The following CAPRIN2 variants were observed in gnomAD, a reference collection of about 807,000 sequenced individuals.
CAPRIN2 encodes caprin family member 2.
A neutral mutation model predicts 130.4 loss-of-function variants in CAPRIN2; 66 were observed. The observed-to-expected ratio is 0.51, with a 90% confidence interval of 0.42 to 0.62. CAPRIN2 has a LOEUF of 0.62. Ranked by LOEUF, CAPRIN2 falls within the 20% of genes least tolerant of loss-of-function variation. The pLI, the probability that CAPRIN2 is intolerant of heterozygous loss-of-function variation, is 0.00. For synonymous variants in CAPRIN2, 471 were observed against 444.1 expected (o/e 1.06, Z -0.76); for missense variants, 1,185 against 1,246.6 (o/e 0.95, Z 0.74).
chr12:30,736,119 C>G (rs2064643009), intron 3 of CAPRIN2, among the ~76,000 whole-genome samples: 1 of 146,564 alleles, frequency 6.8e-6, no homozygotes, highest in Admixed American at 6.9e-5. Flanking sequence ...CCAGCCTGGG[C>G]AACAGAGTGA....
intron 6 of CAPRIN2, 100 bp from the exon 8 acceptor site, chr12:30,730,382 C>T (rs1430837287): frequency 2.4e-5 from 20 of 836,382 alleles, no homozygotes; most frequent in South Asian, 1.2e-4. Context: ...TCAGAAGACT[C>T]GTAACAGAAA....
intron 3 of CAPRIN2, among the ~76,000 whole-genome samples, chr12:30,736,678 A>G (rs891867060): frequency 6.6e-6 from 1 of 152,246 alleles, no homozygotes; most frequent in Admixed American, 6.5e-5. Flanking sequence ...TGAAGGTTGC[A>G]TGGGCAAGCA....
exon 4 of CAPRIN2, chr12:30,734,968 C>T: frequency 6.2e-7 from 1 of 1,605,886 alleles, no homozygotes; most frequent in Non-Finnish European, 8.5e-7. Context: ...ATTAGCTTAC[C>T]TCAGACTTTC....
intron 12 of CAPRIN2, chr12:30,719,200 G>T: frequency 1.9e-6 from 3 of 1,613,950 alleles, no homozygotes; most frequent in Non-Finnish European, 2.5e-6. Context: ...TAGTGAAGAC[G>T]GTTGCTTGCC....
intron 11 of CAPRIN2, among the ~76,000 whole-genome samples, chr12:30,722,929 A>C (rs2059834031): frequency 6.6e-6 from 1 of 152,050 alleles, no homozygotes; most frequent in Non-Finnish European, 1.5e-5. Context: ...ACAAAAATTA[A>C]TTTCTTTCTT....
intron 6 of CAPRIN2, among the ~76,000 whole-genome samples, chr12:30,730,921 C>T (rs2062471507): frequency 6.6e-6 from 1 of 152,070 alleles, no homozygotes; most frequent in African/African-American, 2.4e-5. Flanking sequence ...AGTATATTTT[C>T]TTTACTGACT....
exon 1 of CAPRIN2, chr12:30,754,224 T>C (rs1192670136): frequency 6.3e-6 from 1 of 157,614 alleles, no homozygotes; most frequent in Non-Finnish European, 1.4e-5. Context: ...CCCGCGTTTA[T>C]TCTCAGTTGT....
At chr12:30,734,014 T>A (rs1478511617) in intron 4 of CAPRIN2, among the ~76,000 whole-genome samples, 1 of 152,178 alleles carries the variant, frequency 6.6e-6, no homozygotes, top group Non-Finnish European at 1.5e-5. Context: ...TTCAGGTGTA[T>A]GCCCTACATA....
intron 10 of CAPRIN2, among the ~76,000 whole-genome samples, chr12:30,723,782 T>C (rs982389142): frequency 1.3e-5 from 2 of 152,228 alleles, no homozygotes; most frequent in African/African-American, 4.8e-5. Flanking sequence ...TTAATATCCA[T>C]CACTTTTATT....
chr12:30,716,461 T>C (rs370930043), intron 13 of CAPRIN2, 47 bp downstream of exon 15: 77 of 1,544,670 alleles, frequency 5.0e-5, no homozygotes, highest in African/African-American at 3.7e-4. Flanking sequence ...GTCCATTCAA[T>C]TGGCTGTCCC....
intron 16 of CAPRIN2, 140 bp downstream of exon 18, chr12:30,711,426 G>A (rs2054533324): frequency 3.0e-6 from 2 of 674,878 alleles, no homozygotes; most frequent in South Asian, 1.8e-5. Flanking sequence ...TAGTACTTTA[G>A]TACTACATTC....
intron 12 of CAPRIN2, chr12:30,720,538 T>C (rs2059092893): frequency 4.1e-6 from 1 of 243,982 alleles, no homozygotes. Context: ...AGTGGAAAAC[T>C]TGACTTAATG....
chr12:30,729,118 A>T, exon 8 of CAPRIN2: 1 of 1,613,944 alleles, frequency 6.2e-7, no homozygotes, highest in Non-Finnish European at 8.5e-7. Flanking sequence ...TGTTCTAAGG[A>T]AACTGCAGGC....
At chr12:30,726,007 C>A in exon 9 of CAPRIN2, 2 of 1,600,686 alleles carry the variant, frequency 1.2e-6, no homozygotes, top group African/African-American at 1.3e-5. Context: ...GTCATCAGAT[C>A]CTGCAGTTTT....
rs181233163 is a variant in CAPRIN2 at position 30,734,912 on chromosome 12, C to T, written c.809+56G>A. ...CTCTCTCTCTCACATACACACACCC[C>T]TAAAAAGCTAAAGTGTCAAGTGTTT... On this transcript the variant is annotated intron_variant, in intron 4 of 16. Transcript: ENST00000298892. 221 of 1,171,050 alleles carry T rather than the reference C, an allele frequency of 1.9e-4. 4 individuals are homozygous for T. In the Middle Eastern group the frequency reaches 4.8e-3, roughly 26 times the overall value. 72.5% of individuals were successfully genotyped at this position (1,171,050 alleles called of 1,614,324 possible).
chr12:30,725,825 GC>G, intron 9 of CAPRIN2, 140 bp downstream of exon 10: 1 of 537,790 alleles, frequency 1.9e-6, no homozygotes, highest in African/African-American at 2.0e-5. Flanking sequence ...CAAGTAATTT[GC>G]CTAAACTCCA....
chr12:30,717,704 A>G (rs1360085692), intron 12 of CAPRIN2, among the ~76,000 whole-genome samples: 1 of 152,168 alleles, frequency 6.6e-6, no homozygotes, highest in Non-Finnish European at 1.5e-5. Flanking sequence ...TGAGAATAAA[A>G]GCTATACAAG....
chr12:30,732,121 T>A (rs1480017839), intron 5 of CAPRIN2, among the ~76,000 whole-genome samples: 2 of 152,040 alleles, frequency 1.3e-5, no homozygotes, highest in African/African-American at 2.4e-5. Flanking sequence ...ACTACAAAAT[T>A]CCATCATGAA....
At chr12:30,748,257 A>G (rs1937509024) in intron 2 of CAPRIN2, among the ~76,000 whole-genome samples, 1 of 152,196 alleles carries the variant, frequency 6.6e-6, no homozygotes, top group African/African-American at 2.4e-5. Context: ...CTTTCATGAA[A>G]GAGAGTCCAT....
Sources: gnomAD v4.1 joint callset for allele counts (sites outside exome capture counted in the v4.1 genomes callset) on GRCh38, gnomAD v4.1.1 for gene constraint, MANE v1.5 for transcripts, NCBI Gene and HGNC (gene_info 2026-07-23, HGNC 2026-07-21) for gene names.